UBXN7: variants seen among roughly 807,000 people sequenced by gnomAD.
The protein encoded by UBXN7 is UBX domain-containing protein 7.
UBXN7 carries 9 observed loss-of-function variants against 58.0 expected under a neutral mutation model. The ratio of observed to expected loss-of-function variants is 0.16; its 90% CI spans 0.09 to 0.27. UBXN7 has a LOEUF of 0.27. UBXN7 is among the 10% of genes least tolerant of loss of function. The probability of loss-of-function intolerance (pLI) is 1.00; values close to 1 mark genes in which losing one functional copy is unlikely to be tolerated. For missense variants in UBXN7, 328 were observed against 599.6 expected (o/e 0.55, Z 4.73); for synonymous variants, 208 against 205.0 (o/e 1.01, Z -0.12).
rs3832181 is a variant in UBXN7 at position 196,356,038 on chromosome 3, CAT to C, written c.*645_*646del. The C allele has an allele frequency of 0.32, 49,210 of 152,362 alleles. 9,114 individuals carry two copies. Among genetic ancestry groups the C allele is most frequent in the East Asian group, 0.82 (4,222 of 5,144 alleles). The allele number at this position is 152,362 out of a possible 1,614,324, so 9.4% of individuals were successfully genotyped here. A position where few individuals can be genotyped will look rare whatever the true frequency, so the allele number is the denominator to read the frequency against. On this transcript the variant is annotated 3_prime_UTR_variant, in exon 11 of 11. Transcript: ENST00000296328. The stretch of plus-strand genomic sequence containing the variant: ...TTTAACACTCATTCTGCCAATAACA[CAT>C]GTCATGGAAATAGTCCTTATAGCTG...
intron 2 of UBXN7, among the ~76,000 whole-genome samples, chr3:196,404,106 A>G (rs1172701481): frequency 6.6e-6 from 1 of 151,676 alleles, no homozygotes; most frequent in Non-Finnish European, 1.5e-5. Context: ...AAAAGAAAAA[A>G]AAAAATTACT....
At position 196,355,518 on chromosome 3, in the gene UBXN7, G is replaced by T. The variant is rs1206890954; in HGVS notation, c.*1167C>A. 1 of 152,166 alleles carries T rather than the reference G, an allele frequency of 6.6e-6. No individual in the cohort carries two copies. Among genetic ancestry groups the T allele is most frequent in the Admixed American group, 6.5e-5 (1 of 15,280 alleles). 9.4% of individuals were successfully genotyped at this position (152,166 alleles called of 1,614,324 possible). A position where few individuals can be genotyped will look rare whatever the true frequency, so the allele number is the denominator to read the frequency against. On this transcript the variant is annotated 3_prime_UTR_variant, in exon 11 of 11. Transcript: ENST00000296328. ...GTTGTCTTCTGAATGGAGTTGAAAG[G>T]TCTTCCCCTTAGAGAGGCTTTCCGT... is the stretch of plus-strand genomic sequence containing the variant.
chr3:196,398,134 G>T (rs1205717463), intron 3 of UBXN7, among the ~76,000 whole-genome samples: 1 of 152,184 alleles, frequency 6.6e-6, no homozygotes, highest in Admixed American at 6.5e-5. Context: ...CATTTGCTCT[G>T]TGTTAAGAAT....
intron 3 of UBXN7, among the ~76,000 whole-genome samples, chr3:196,395,727 G>A (rs937044511): frequency 1.3e-5 from 2 of 151,544 alleles, no homozygotes; most frequent in East Asian, 3.9e-4. Flanking sequence ...CAAAGTGCTG[G>A]GATTACAGGC....
intron 5 of UBXN7, among the ~76,000 whole-genome samples, chr3:196,390,778 A>G (rs1403107257): frequency 6.6e-6 from 1 of 152,074 alleles, no homozygotes; most frequent in Non-Finnish European, 1.5e-5. Flanking sequence ...ATTTACATCT[A>G]TGGAAATGCT....
At chr3:196,374,997 AG>A (rs1728963288) in intron 5 of UBXN7, among the ~76,000 whole-genome samples, 1 of 63,082 alleles carries the variant, frequency 1.6e-5, no homozygotes, top group African/African-American at 6.3e-5. Context: ...GGAGGGAGGG[AG>A]GGAGGGAGGA....
At chr3:196,415,483 A>G (rs527411270) in intron 1 of UBXN7, among the ~76,000 whole-genome samples, 30 of 145,758 alleles carry the variant, frequency 2.1e-4, no homozygotes, top group African/African-American at 7.5e-4. Flanking sequence ...GCTGGACTAT[A>G]CAAGTTCAGC....
intron 1 of UBXN7, among the ~76,000 whole-genome samples, chr3:196,426,309 C>G (rs979264035): frequency 4.1e-5 from 6 of 146,236 alleles, no homozygotes; most frequent in Non-Finnish European, 8.9e-5. Flanking sequence ...TCACTTGAAC[C>G]GGGGAGGCGG....
chr3:196,366,564 AAAATACAATACAATACAAT>A (rs1433650645), intron 8 of UBXN7, among the ~76,000 whole-genome samples: 98 of 152,194 alleles, frequency 6.4e-4, no homozygotes, highest in African/African-American at 2.0e-3. Context: ...CACATCTCAA[AAAATACAATACAATACAAT>A]AAATACAATA....
chr3:196,384,784 A>G (rs1729321544), intron 5 of UBXN7, among the ~76,000 whole-genome samples: 1 of 152,228 alleles, frequency 6.6e-6, no homozygotes, highest in Admixed American at 6.5e-5. Flanking sequence ...TAAACTAGGT[A>G]TTGATGGAAC....
chr3:196,395,664 C>A (rs554473183), intron 3 of UBXN7, among the ~76,000 whole-genome samples: 81 of 152,114 alleles, frequency 5.3e-4, no homozygotes, highest in African/African-American at 2.0e-3. Flanking sequence ...CACTATATCG[C>A]CCAGGCTAGT....
rs1160535464 is a variant in UBXN7, at chr3:196,353,166, T to C, written c.*3519A>G. 6.6e-6 allele frequency: 1 copy of C among 152,206 alleles called. No homozygotes were observed. The highest frequency in any genetic ancestry group is 1.5e-5 in the Non-Finnish European group (1 of 68,046). The allele number at this position is 152,206 out of a possible 1,614,324, so 9.4% of individuals were successfully genotyped here. ...AACAATGAGAAGAGAATCATCTGGG[T>C]AGCTTGATTCTCTTGCTGAAGGAGA... On this transcript the variant is annotated 3_prime_UTR_variant, in exon 11 of 11. Coordinates refer to ENST00000296328, the MANE Select transcript of UBXN7 (RefSeq NM_015562.2).
rs1482380110 is a variant in UBXN7, at chr3:196,354,138, C to T, written c.*2547G>A. On this transcript the variant is annotated 3_prime_UTR_variant, in exon 11 of 11. Coordinates refer to ENST00000296328, the MANE Select transcript of UBXN7 (RefSeq NM_015562.2). ...CTTTATATCAACCCTAAGATAATTA[C>T]ACTCCTGCCTCAAAATAAAATAAAA... 2 of 152,116 alleles carry T rather than the reference C, an allele frequency of 1.3e-5. No homozygotes were observed. The highest frequency in any genetic ancestry group is 2.1e-4 in the South Asian group (1 of 4,822). The allele number at this position is 152,116 out of a possible 1,614,324, so 9.4% of individuals were successfully genotyped here. A position where few individuals can be genotyped will look rare whatever the true frequency, so the allele number is the denominator to read the frequency against.
chr3:196,374,084 T>A (rs1728919782), intron 5 of UBXN7, among the ~76,000 whole-genome samples: 1 of 152,212 alleles, frequency 6.6e-6, no homozygotes, highest in African/African-American at 2.4e-5. Flanking sequence ...ATAATTAAGC[T>A]GCTTTAACTA....
intron 2 of UBXN7, among the ~76,000 whole-genome samples, chr3:196,406,021 T>TG: frequency 6.6e-6 from 1 of 151,568 alleles, no homozygotes; most frequent in South Asian, 2.1e-4. Context: ...GTTTTTTGTG[T>TG]TTTTTTTGTT....
chr3:196,350,402 A>G lies in UBXN7; in HGVS notation c.*6283T>C, dbSNP rs1728182256. On this transcript the variant is annotated 3_prime_UTR_variant, in exon 11 of 11. Coordinates refer to ENST00000296328, the MANE Select transcript of UBXN7 (RefSeq NM_015562.2). ...TAGGGAGAAAATGAGCTATAAAAGT[A>G]AGTTTGCCTCAAAAATGTCCTTCAA... 6.6e-6 allele frequency: 1 copy of G among 152,240 alleles called. No homozygotes were observed. The highest frequency in any genetic ancestry group is 6.5e-5 in the Admixed American group (1 of 15,280). The allele number at this position is 152,240 out of a possible 1,614,324, so 9.4% of individuals were successfully genotyped here. A position where few individuals can be genotyped will look rare whatever the true frequency, so the allele number is the denominator to read the frequency against.
intron 5 of UBXN7, among the ~76,000 whole-genome samples, chr3:196,373,964 T>C (rs1489986728): frequency 2.0e-5 from 3 of 152,222 alleles, no homozygotes; most frequent in Non-Finnish European, 4.4e-5. Context: ...ATTTAACTGG[T>C]CAAAGGCTTA....
intron 5 of UBXN7, among the ~76,000 whole-genome samples, chr3:196,375,342 A>G (rs1728986462): frequency 7.1e-6 from 1 of 140,154 alleles, no homozygotes; most frequent in South Asian, 2.2e-4. Context: ...AGTAGTCTGG[A>G]GCAGTGGCTC....
At chr3:196,372,300 T>TTCTCTCTCTCTCTCTCTCTCTC (rs144595952) in intron 5 of UBXN7, among the ~76,000 whole-genome samples, 2,128 of 133,322 alleles carry the variant, frequency 0.016, 52 homozygotes, top group Non-Finnish European at 0.024. Flanking sequence ...TAATAGCTGA[T>TTCTCTCTCTCTCTCTCTCTCTC]TCTCTCTCTC....
Sources: allele counts gnomAD v4.1 joint callset (sites outside exome capture counted in the v4.1 genomes callset), GRCh38; gene constraint gnomAD v4.1.1; transcripts MANE v1.5; gene names NCBI Gene and HGNC (gene_info 2026-07-23, HGNC 2026-07-21).